LEPR: variants seen among roughly 807,000 people sequenced by gnomAD.
The protein encoded by LEPR is leptin receptor, also known as OB receptor.
Under a neutral mutation model 114.7 loss-of-function variants are expected in LEPR, and 56 were observed. That is an observed-to-expected ratio of 0.49 (90% CI 0.39 to 0.61). LEPR has a LOEUF of 0.61. LEPR is among the 20% of genes least tolerant of loss of function. LEPR has a pLI of 0.00. For missense variants in LEPR, 1,202 were observed against 1,352.9 expected, an observed-to-expected ratio of 0.89 and a Z score of 1.75; for synonymous variants, 443 against 461.4, an observed-to-expected ratio of 0.96 and a Z score of 0.51.
At chr1:65,627,454 CAGAT>C (rs1248613749) in intron 19 of LEPR, among the ~76,000 whole-genome samples, 1 of 152,026 alleles carries the variant, frequency 6.6e-6, no homozygotes, top group Admixed American at 6.5e-5. Flanking sequence ...TAATAAGAGA[CAGAT>C]AGTAAGTGTT....
Position 65,616,067 on chromosome 1 carries a change from T to A in LEPR, c.2055T>A (p.Thr685=). The change falls in exon 15 of 20, where the codon ACT becomes ACA. Residue 685 remains threonine, a synonymous_variant. Transcript: ENST00000349533. ...AGAGATATGTGATAAACCATCATAC[T>A]TCCTGCAATGGAACATGGTCAGAAG... The part of the protein sequence containing the change: ...SVQRYVINHH[T]SCNGTWSEDV... The A allele has an allele frequency of 1.2e-6, 2 of 1,614,218 alleles. No individual in the cohort carries two copies. Among genetic ancestry groups the A allele is most frequent in the Non-Finnish European group, 1.7e-6 (2 of 1,180,020 alleles).
intron 2 of LEPR, among the ~76,000 whole-genome samples, chr1:65,531,996 C>T (rs1287468677): frequency 6.6e-6 from 1 of 152,116 alleles, no homozygotes; most frequent in African/African-American, 2.4e-5. Flanking sequence ...ATTTGCATTC[C>T]TGTTTTTATT....
chr1:65,535,315 T>C (rs971499015), intron 2 of LEPR, among the ~76,000 whole-genome samples: 1 of 150,772 alleles, frequency 6.6e-6, no homozygotes, highest in African/African-American at 2.4e-5. Flanking sequence ...GTGGTGATAC[T>C]ATCTAGTGTG....
intron 2 of LEPR, among the ~76,000 whole-genome samples, chr1:65,521,892 G>C (rs1201267149): frequency 6.6e-6 from 1 of 152,040 alleles, no homozygotes; most frequent in Non-Finnish European, 1.5e-5. Flanking sequence ...TTGACGTCAG[G>C]AGTTTGAGAC....
At chr1:65,547,011 C>A (rs1412906381) in intron 2 of LEPR, among the ~76,000 whole-genome samples, 2 of 152,128 alleles carry the variant, frequency 1.3e-5, no homozygotes, top group Non-Finnish European at 2.9e-5. Flanking sequence ...GAGTTTTTAG[C>A]ATGAAGGGTT....
chr1:65,583,174 G>A (rs889306109), intron 5 of LEPR, among the ~76,000 whole-genome samples: 2 of 152,194 alleles, frequency 1.3e-5, no homozygotes, highest in Admixed American at 1.3e-4. Context: ...ACATGGCACA[G>A]AGCTGAGGAA....
chr1:65,637,479 A>C lies in LEPR; in HGVS notation c.*464A>C, dbSNP rs2101048428. ...GAAGTAGGACTTTCCTAAATGTTTA[A>C]GATAAACAGAATTCAGCCCTGGCCT... On this transcript the variant is annotated 3_prime_UTR_variant, in exon 20 of 20. Transcript: ENST00000349533. The C allele has an allele frequency of 6.3e-6, 1 of 157,890 alleles. No individual in the cohort carries two copies. The highest frequency in any genetic ancestry group is 1.9e-4 in the South Asian group (1 of 5,320). 9.8% of individuals were successfully genotyped at this position (157,890 alleles called of 1,614,324 possible).
At chr1:65,440,687 A>G (rs1042768799) in intron 2 of LEPR, among the ~76,000 whole-genome samples, 1 of 152,052 alleles carries the variant, frequency 6.6e-6, no homozygotes, top group Non-Finnish European at 1.5e-5. Flanking sequence ...GGGAGAGTGG[A>G]GGGAGATAAG....
chr1:65,610,253 G>A lies in LEPR; in HGVS notation c.1952G>A (p.Gly651Glu). 6.2e-7 allele frequency: 1 copy of A among 1,613,788 alleles called. No homozygotes were observed. The highest frequency in any genetic ancestry group is 1.1e-5 in the South Asian group (1 of 90,966). Residue 651 changes from glycine to glutamate, a missense_variant, in exon 14 of 20, where the codon GGA becomes GAA. Coordinates refer to ENST00000349533, the MANE Select transcript of LEPR (RefSeq NM_002303.6). The part of the protein sequence containing the change: ...RGPEFWRIIN[G>E]DTMKKEKNVT... Reference sequence around the variant, plus strand: ...CCTGAATTTTGGAGAATAATTAATGGAGATACTATGAAAAAGGAGAAAAAT... The same window carrying A: ...CCTGAATTTTGGAGAATAATTAATGAAGATACTATGAAAAAGGAGAAAAAT...
chr1:65,433,503 T>C (rs1436658899), intron 2 of LEPR: 2 of 985,340 alleles, frequency 2.0e-6, no homozygotes, highest in Non-Finnish European at 2.4e-6. Context: ...TGTTAAAGTA[T>C]GAAACTGAAA....
At chr1:65,624,948 T>C (rs998682992) in intron 19 of LEPR, among the ~76,000 whole-genome samples, 6 of 152,236 alleles carry the variant, frequency 3.9e-5, no homozygotes, top group Non-Finnish European at 8.8e-5. Context: ...TGCCTGAGTC[T>C]AATCAGCCAC....
chr1:65,477,264 T>C (rs1455574016), intron 2 of LEPR, among the ~76,000 whole-genome samples: 1 of 152,226 alleles, frequency 6.6e-6, no homozygotes, highest in African/African-American at 2.4e-5. Context: ...TCAGAGTAAC[T>C]TATCTCCCCA....
At chr1:65,551,412 A>G (rs998614228) in intron 2 of LEPR, among the ~76,000 whole-genome samples, 4 of 152,052 alleles carry the variant, frequency 2.6e-5, no homozygotes, top group African/African-American at 7.2e-5. Flanking sequence ...TGGTCTATTC[A>G]GGGATTTGAC....
chr1:65,593,454 C>A (rs1655844356), intron 6 of LEPR, among the ~76,000 whole-genome samples: 1 of 152,086 alleles, frequency 6.6e-6, no homozygotes, highest in African/African-American at 2.4e-5. Flanking sequence ...TATACAATTA[C>A]AAATGTGAAT....
rs114427090 is a variant in LEPR, at chr1:65,446,462, T to A, written c.-21+21084T>A. On this transcript the variant is annotated intron_variant, in intron 2 of 19. Coordinates refer to ENST00000349533, the MANE Select transcript of LEPR (RefSeq NM_002303.6). ...GAGGTCACTTTCATTGCCATGTGGG[T>A]TTGGGTGGGTTTTGGCCAGCTTCTT... is the stretch of plus-strand genomic sequence containing the variant. Among the ~76,000 whole-genome samples, 459 of 152,182 alleles carry A rather than the reference T, an allele frequency of 3.0e-3. 1 individual carries two copies. The highest frequency in any genetic ancestry group is 0.011 in the African/African-American group (447 of 41,518).
At chr1:65,475,175 G>T (rs1355432547) in intron 2 of LEPR, among the ~76,000 whole-genome samples, 1 of 152,036 alleles carries the variant, frequency 6.6e-6, no homozygotes, top group Admixed American at 6.6e-5. Context: ...GAACATTACT[G>T]AATTACAAGT....
At position 65,488,198 on chromosome 1, in the gene LEPR, T is replaced by TTCTTTCTCTCTCTCTCTC. The variant is rs1553157690; in HGVS notation, c.-21+62827_-21+62828insCTCTCTCTCTCTCTTTCT. ...TTTCTTTCTTTCTTTCTTTCTTTCT[T>TTCTTTCTCTCTCTCTCTC]TCTTTCTTTCTTTCTCTCTCTCTCT... is the stretch of plus-strand genomic sequence containing the variant. On this transcript the variant is annotated intron_variant, in intron 2 of 19. Coordinates refer to ENST00000349533, the MANE Select transcript of LEPR (RefSeq NM_002303.6). Among the ~76,000 whole-genome samples the TTCTTTCTCTCTCTCTCTC allele has an allele frequency of 1.6e-4, 4 of 24,628 alleles. No individual in the cohort carries two copies. In the Admixed American group the frequency reaches 1.9e-3, roughly 11 times the overall value. The allele number at this position is 24,628 out of a possible 152,430, so 16.2% of individuals were successfully genotyped here. A position where few individuals can be genotyped will look rare whatever the true frequency, so the allele number is the denominator to read the frequency against.
chr1:65,548,519 T>C (rs1651978955), intron 2 of LEPR, among the ~76,000 whole-genome samples: 1 of 152,168 alleles, frequency 6.6e-6, no homozygotes, highest in South Asian at 2.1e-4. Flanking sequence ...ATATTTAAGA[T>C]AGTTAGCTCT....
At chr1:65,541,803 G>T (rs1280015784) in intron 2 of LEPR, among the ~76,000 whole-genome samples, 1 of 152,124 alleles carries the variant, frequency 6.6e-6, no homozygotes, top group Non-Finnish European at 1.5e-5. Context: ...GGAGCTCATT[G>T]AGTTAACTCA....
Sources: allele counts gnomAD v4.1 joint callset (sites outside exome capture counted in the v4.1 genomes callset), GRCh38; gene constraint gnomAD v4.1.1; transcripts MANE v1.5; gene names NCBI Gene and HGNC (gene_info 2026-07-23, HGNC 2026-07-21).